MC2R: variants seen among roughly 807,000 people sequenced by gnomAD.
The protein encoded by MC2R is adrenocorticotropic hormone receptor.
In MC2R, 9 loss-of-function variants were observed where a neutral mutation model predicts 9.8. The observed-to-expected ratio is 0.92, with a 90% confidence interval of 0.55 to 1.60. The LOEUF (loss-of-function observed/expected upper bound fraction) is 1.60. Among genes scored for constraint, MC2R ranks in the 40% most tolerant of loss-of-function variants. The pLI is 0.00. For missense variants in MC2R, 370 were observed against 389.0 expected (o/e 0.95, Z 0.41); for synonymous variants, 185 against 154.7 (o/e 1.20, Z -1.45).
chr18:13,915,124 TGAAGGGGCTAACTCCA>T (rs1364520844), intron 1 of MC2R, among the ~76,000 whole-genome samples: 1 of 152,118 alleles, frequency 6.6e-6, no homozygotes, highest in Non-Finnish European at 1.5e-5. Flanking sequence ...GCTGATCAGG[TGAAGGGGCTAACTCCA>T]GAAGTGATAA....
chr18:13,885,135 G>A lies in MC2R; in HGVS notation c.384C>T (p.Arg128=). The A allele has an allele frequency of 3.1e-6, 5 of 1,614,156 alleles. No individual in the cohort carries two copies. Among genetic ancestry groups the A allele is most frequent in the Non-Finnish European group, 4.2e-6 (5 of 1,180,034 alleles). The part of the protein sequence containing the change: ...IFSLSVIAAD[R]YITIFHALRY... ...GCAGTGCGTGGAAGATGGTGATGTA[G>A]CGGTCCGCAGCAATCACAGACAGGC... The change falls in exon 2 of 2, where the codon CGC becomes CGT. Residue 128 remains arginine, a synonymous_variant. Coordinates refer to ENST00000327606, the MANE Select transcript of MC2R (RefSeq NM_000529.2).
chr18:13,888,931 T>C (rs938996730), intron 1 of MC2R, among the ~76,000 whole-genome samples: 2 of 152,234 alleles, frequency 1.3e-5, no homozygotes, highest in African/African-American at 4.8e-5. Flanking sequence ...TTCAAAGCCG[T>C]CTGCTGTCCT....
At chr18:13,894,591 A>G (rs2045335896) in intron 1 of MC2R, among the ~76,000 whole-genome samples, 1 of 152,250 alleles carries the variant, frequency 6.6e-6, no homozygotes, top group Non-Finnish European at 1.5e-5. Context: ...TTATTCTTCA[A>G]TTAGTTTTCA....
At chr18:13,910,993 T>C (rs1224313053) in intron 1 of MC2R, among the ~76,000 whole-genome samples, 2 of 152,198 alleles carry the variant, frequency 1.3e-5, no homozygotes, top group Non-Finnish European at 2.9e-5. Context: ...TGAGACCAGG[T>C]TGACATTGGC....
intron 1 of MC2R, among the ~76,000 whole-genome samples, chr18:13,900,431 T>G (rs1407131979): frequency 6.6e-6 from 1 of 152,086 alleles, no homozygotes; most frequent in Non-Finnish European, 1.5e-5. Flanking sequence ...GTAAATGGAC[T>G]AAACTCTCCA....
At chr18:13,904,464 A>G (rs1338270130) in intron 1 of MC2R, among the ~76,000 whole-genome samples, 1 of 152,066 alleles carries the variant, frequency 6.6e-6, no homozygotes, top group Non-Finnish European at 1.5e-5. Flanking sequence ...GAGAAATGGA[A>G]AGCCTTTCCT....
chr18:13,904,325 G>A (rs1477359899), intron 1 of MC2R, among the ~76,000 whole-genome samples: 2 of 147,822 alleles, frequency 1.4e-5, no homozygotes, highest in East Asian at 2.0e-4. Flanking sequence ...AGTTTGCAGT[G>A]AGCTGAGATA....
In MC2R at chr18:13,883,211, G is replaced by A. The variant is rs1470201768; in HGVS notation, c.*1414C>T. 1 of 152,344 alleles carries A rather than the reference G, an allele frequency of 6.6e-6. No homozygotes were observed. Among genetic ancestry groups the A allele is most frequent in the African/African-American group, 2.4e-5 (1 of 41,454 alleles). The allele number at this position is 152,344 out of a possible 1,614,324, so 9.4% of individuals were successfully genotyped here. A position where few individuals can be genotyped will look rare whatever the true frequency, so the allele number is the denominator to read the frequency against. ...GCAGATCCTGAGCCTGGTGGCCTCT[G>A]AAGCCCCACTGCTCTCCTCTGTCCC... is the stretch of plus-strand genomic sequence containing the variant. On this transcript the variant is annotated 3_prime_UTR_variant, in exon 2 of 2. Coordinates refer to ENST00000327606, the MANE Select transcript of MC2R (RefSeq NM_000529.2).
chr18:13,887,715 C>T (rs2149135904), intron 1 of MC2R, among the ~76,000 whole-genome samples: 1 of 152,314 alleles, frequency 6.6e-6, no homozygotes, highest in South Asian at 2.1e-4. Flanking sequence ...GGGGCTCCTC[C>T]TGCCTGACTG....
chr18:13,905,638 A>T (rs10853247), intron 1 of MC2R, among the ~76,000 whole-genome samples: 73,884 of 152,064 alleles, frequency 0.49, 18,381 homozygotes, highest in Middle Eastern at 0.61. Context: ...ACACTTTTAC[A>T]CTGTTGGTGG....
intron 1 of MC2R, among the ~76,000 whole-genome samples, chr18:13,886,768 G>A (rs978201212): frequency 1.3e-5 from 2 of 152,170 alleles, no homozygotes; most frequent in African/African-American, 4.8e-5. Flanking sequence ...CCAGCACCAC[G>A]TGGCGAGGAA....
intron 1 of MC2R, among the ~76,000 whole-genome samples, chr18:13,890,769 C>T (rs117950206): frequency 1.6e-4 from 24 of 152,328 alleles, no homozygotes; most frequent in Admixed American, 2.6e-4. Context: ...CCAACGGTCC[C>T]ATCGCCACCT....
chr18:13,884,689 G>A lies in MC2R; in HGVS notation c.830C>T (p.Ala277Val). The A allele has an allele frequency of 6.2e-7, 1 of 1,614,110 alleles. No homozygotes were observed. The highest frequency in any genetic ancestry group is 1.1e-5 in the South Asian group (1 of 91,068). ...GTCCCTGAGCTCTGGGCTCCGGAAG[G>A]CATATATGAAGGGGTCAATGACGGC... ...CNAVIDPFIY[A>V]FRSPELRDAF... Residue 277 changes from alanine to valine, a missense_variant, in exon 2 of 2, where the codon GCC (alanine) becomes GTC (valine). By Grantham distance (64) the Ala-to-Val change is moderately conservative (BLOSUM62 0). Coordinates refer to ENST00000327606, the MANE Select transcript of MC2R (RefSeq NM_000529.2).
intron 1 of MC2R, among the ~76,000 whole-genome samples, chr18:13,912,015 G>T (rs1161933072): frequency 6.6e-6 from 1 of 152,142 alleles, no homozygotes; most frequent in African/African-American, 2.4e-5. Context: ...GCATGGAAAA[G>T]AATTGGCTTC....
In MC2R at chr18:13,891,026, G is replaced by A. The variant is rs148229376; in HGVS notation, c.-128-5380C>T. Among the ~76,000 whole-genome samples, 389 of 152,272 alleles carry A rather than the reference G, an allele frequency of 2.6e-3. 1 individual carries two copies. Among genetic ancestry groups the A allele is most frequent in the African/African-American group, 9.0e-3 (376 of 41,556 alleles). On this transcript the variant is annotated intron_variant, in intron 1 of 1. Coordinates refer to ENST00000327606, the MANE Select transcript of MC2R (RefSeq NM_000529.2). ...GCACAGTTCTGAGAACATTTCATCTGGCCATGGGGAGGCTTCAAGCCAAAG... is the reference window on the plus strand; with the variant it reads ...GCACAGTTCTGAGAACATTTCATCTAGCCATGGGGAGGCTTCAAGCCAAAG...
intron 1 of MC2R, among the ~76,000 whole-genome samples, chr18:13,898,908 C>T (rs915738377): frequency 2.0e-5 from 3 of 152,182 alleles, no homozygotes; most frequent in African/African-American, 7.2e-5. Context: ...CTGGTACAAA[C>T]AAGCCCAGCC....
In MC2R at chr18:13,884,652, C is replaced by G. The variant is rs1220520512; in HGVS notation, c.867G>C (p.Lys289Asn). ...ACCAGTACCTGCTGCAGAAGATCAT[C>G]TTTTTGAATGCGTCCCTGAGCTCTG... ...RSPELRDAFK[K>N]MIFCSRYW is the part of the protein sequence containing the mutation. The change falls in exon 2 of 2, where the codon AAG becomes AAC. Residue 289 changes from lysine (K) to asparagine (N), a missense_variant. Physicochemically the swap from Lys to Asn is moderately conservative, Grantham distance 94. Transcript: ENST00000327606. The G allele has an allele frequency of 1.2e-6, 2 of 1,613,436 alleles. No homozygotes were observed. The highest frequency in any genetic ancestry group is 1.7e-6 in the Non-Finnish European group (2 of 1,180,040).
intron 1 of MC2R, among the ~76,000 whole-genome samples, chr18:13,894,810 C>T (rs1006464196): frequency 5.9e-5 from 9 of 152,286 alleles, no homozygotes; most frequent in Admixed American, 2.6e-4. Flanking sequence ...CTGAACTTTT[C>T]GAATCTTTCC....
intron 1 of MC2R, among the ~76,000 whole-genome samples, chr18:13,906,516 C>A (rs552348103): frequency 6.6e-6 from 1 of 152,072 alleles, no homozygotes; most frequent in East Asian, 1.9e-4. Context: ...ATGTAACAAA[C>A]CTGCACGTTC....
Sources: gnomAD v4.1 joint callset for allele counts (sites outside exome capture counted in the v4.1 genomes callset) on GRCh38, gnomAD v4.1.1 for gene constraint, MANE v1.5 for transcripts, NCBI Gene and HGNC (gene_info 2026-07-23, HGNC 2026-07-21) for gene names.